PDZRN3: variants seen among roughly 807,000 people sequenced by gnomAD.
The protein encoded by PDZRN3 is PDZ domain containing ring finger 3.
PDZRN3 carries 38 observed loss-of-function variants against 85.7 expected under a neutral mutation model. That is an observed-to-expected ratio of 0.44 (90% CI 0.34 to 0.58). The LOEUF is 0.58. Among genes scored for constraint, PDZRN3 ranks in the 20% least tolerant of loss-of-function variants. The probability of loss-of-function intolerance (pLI) is 0.01; values close to 1 mark genes in which losing one functional copy is unlikely to be tolerated. For synonymous variants in PDZRN3, 759 were observed against 638.0 expected (o/e 1.19, Z -2.86); for missense variants, 1,629 against 1,506.4 (o/e 1.08, Z -1.35).
In PDZRN3 at chr3:73,384,909, C is replaced by T. The variant is rs1701330433; in HGVS notation, c.1657G>A (p.Gly553Arg). ...LQQKKHDEDGGTTDTATILSN... is the reference protein window; with the variant it reads ...LQQKKHDEDGRTTDTATILSN... Reference sequence around the variant, plus strand: ...AAGATGGTGGCTGTATCTGTGGTCCCACCGTCTTCGTCGTGCTTCTTCTGC... The same window carrying T: ...AAGATGGTGGCTGTATCTGTGGTCCTACCGTCTTCGTCGTGCTTCTTCTGC... Residue 553 changes from glycine (G) to arginine (R), a missense_variant, in exon 10 of 10, where the codon GGG (glycine) becomes AGG (arginine). By Grantham distance (125) the Gly-to-Arg change is moderately radical. Coordinates refer to ENST00000263666, the MANE Select transcript of PDZRN3 (RefSeq NM_015009.3). 2 of 1,605,868 alleles carry T rather than the reference C, an allele frequency of 1.2e-6. No homozygotes were observed. The highest frequency in any genetic ancestry group is 1.3e-5 in the African/African-American group (1 of 74,602).
intron 2 of PDZRN3, among the ~76,000 whole-genome samples, chr3:73,606,168 G>T (rs1294778085): frequency 6.6e-6 from 1 of 152,216 alleles, no homozygotes; most frequent in Non-Finnish European, 1.5e-5. Flanking sequence ...GGTCTTCTTG[G>T]TTTGGGTTCT....
chr3:73,383,205 A>G lies in PDZRN3; in HGVS notation c.*160T>C, dbSNP rs1335038331. The G allele has an allele frequency of 1.6e-6, 1 of 609,948 alleles. No homozygotes were observed. The highest frequency in any genetic ancestry group is 2.8e-6 in the Non-Finnish European group (1 of 354,968). The allele number at this position is 609,948 out of a possible 1,614,324, so 37.8% of individuals were successfully genotyped here. A position where few individuals can be genotyped will look rare whatever the true frequency, so the allele number is the denominator to read the frequency against. ...GTGTTTTTCTCTCTCTTCCCTTAAA[A>G]TAGACCTATGACACCCAGAGTTGTA... On this transcript the variant is annotated 3_prime_UTR_variant, in exon 10 of 10. Coordinates refer to ENST00000263666, the MANE Select transcript of PDZRN3 (RefSeq NM_015009.3).
chr3:73,408,820 T>C (rs758756966), intron 3 of PDZRN3, among the ~76,000 whole-genome samples: 3 of 152,162 alleles, frequency 2.0e-5, no homozygotes, highest in Non-Finnish European at 4.4e-5. Context: ...CTTAGCGAGA[T>C]GATGACTCCG....
chr3:73,494,225 C>A (rs540108940), intron 3 of PDZRN3, among the ~76,000 whole-genome samples: 1 of 152,294 alleles, frequency 6.6e-6, no homozygotes, highest in East Asian at 1.9e-4. Flanking sequence ...CATACTGAGC[C>A]TTTCTTACTA....
intron 3 of PDZRN3, among the ~76,000 whole-genome samples, chr3:73,565,662 G>A (rs1378292844): frequency 1.3e-5 from 2 of 152,080 alleles, no homozygotes; most frequent in African/African-American, 4.8e-5. Context: ...CAGGGGCCGG[G>A]CGCGGTGACT....
At chr3:73,590,590 T>C (rs1702343930) in intron 3 of PDZRN3, among the ~76,000 whole-genome samples, 1 of 152,212 alleles carries the variant, frequency 6.6e-6, no homozygotes, top group Non-Finnish European at 1.5e-5. Flanking sequence ...TTCTTTTTTC[T>C]AGTTTTCAAA....
chr3:73,426,597 C>A (rs931315053), intron 3 of PDZRN3, among the ~76,000 whole-genome samples: 3 of 152,186 alleles, frequency 2.0e-5, no homozygotes, highest in African/African-American at 7.2e-5. Context: ...TTCTTTGCTG[C>A]CTACTCATCC....
chr3:73,453,995 T>C (rs530313119), intron 3 of PDZRN3, among the ~76,000 whole-genome samples: 14 of 152,294 alleles, frequency 9.2e-5, no homozygotes, highest in African/African-American at 3.4e-4. Context: ...CTGTTTAAAG[T>C]ATAAATTCCA....
chr3:73,558,700 A>G (rs971402878), intron 3 of PDZRN3, among the ~76,000 whole-genome samples: 2 of 152,374 alleles, frequency 1.3e-5, no homozygotes, highest in Non-Finnish European at 2.9e-5. Context: ...AGACAAACAC[A>G]GCAGGCTCCC....
At chr3:73,411,109 T>C (rs1271312602) in intron 3 of PDZRN3, among the ~76,000 whole-genome samples, 1 of 152,246 alleles carries the variant, frequency 6.6e-6, no homozygotes, top group Non-Finnish European at 1.5e-5. Context: ...CTCTTAAGCT[T>C]ATTCTAGACC....
chr3:73,505,521 T>C (rs1704054605), intron 3 of PDZRN3, among the ~76,000 whole-genome samples: 1 of 152,214 alleles, frequency 6.6e-6, no homozygotes, highest in Non-Finnish European at 1.5e-5. Context: ...AACAAACCAG[T>C]AGACCTATCA....
chr3:73,433,539 C>T (rs144162314), intron 3 of PDZRN3: 1 of 732,702 alleles, frequency 1.4e-6, no homozygotes, highest in Non-Finnish European at 2.2e-6. Flanking sequence ...ACAAAATATG[C>T]ACAAAAACAC....
At chr3:73,552,105 G>A (rs910447160) in intron 3 of PDZRN3, among the ~76,000 whole-genome samples, 2 of 152,208 alleles carry the variant, frequency 1.3e-5, no homozygotes, top group Middle Eastern at 3.4e-3. Context: ...ATCACCTGGG[G>A]CACATTCCTT....
Position 73,389,846 on chromosome 3 carries a change from C to A in PDZRN3, c.1386G>T (p.Gly462=). 4 of 1,613,756 alleles carry A rather than the reference C, an allele frequency of 2.5e-6. No homozygotes were observed. Among genetic ancestry groups the A allele is most frequent in the Non-Finnish European group, 3.4e-6 (4 of 1,179,676 alleles). ...TAATGCGGTCTCCTTCTCGGATGCG[C>A]CCATCCTTGGCTGCAATGCTGTTAG... is the stretch of plus-strand genomic sequence containing the variant. ...IDPNSIAAKD[G]RIREGDRIIQ... is the part of the protein sequence containing the mutation. Residue 462 remains glycine (G), a synonymous_variant, in exon 7 of 10, where the codon GGG becomes GGT. Transcript: ENST00000263666.
At chr3:73,384,952 G>C in intron 9 of PDZRN3, 22 bp from the exon 10 acceptor site, 1 of 1,569,066 alleles carries the variant, frequency 6.4e-7, no homozygotes, top group Non-Finnish European at 8.6e-7. Context: ...CAAGAACAAA[G>C]GGTCACAGTG....
chr3:73,498,881 C>A (rs1265848223), intron 3 of PDZRN3, among the ~76,000 whole-genome samples: 1 of 152,102 alleles, frequency 6.6e-6, no homozygotes, highest in Non-Finnish European at 1.5e-5. Context: ...TCGTGCCTGG[C>A]CCGTATGTTA....
chr3:73,500,953 G>A (rs559994673), intron 3 of PDZRN3, among the ~76,000 whole-genome samples: 22 of 151,844 alleles, frequency 1.4e-4, no homozygotes, highest in Non-Finnish European at 2.8e-4. Flanking sequence ...TGCCTCCTAC[G>A]TGCAAGTCTG....
intron 8 of PDZRN3, among the ~76,000 whole-genome samples, chr3:73,386,591 G>A (rs536315712): frequency 2.0e-5 from 3 of 152,172 alleles, no homozygotes; most frequent in African/African-American, 7.2e-5. Flanking sequence ...ATCCAGCCTG[G>A]TATTTTTATA....
rs554292850 is a variant in PDZRN3, at chr3:73,413,170, AG to A, written c.919-8776del. Among the ~76,000 whole-genome samples, 499 of 152,276 alleles carry A rather than the reference AG, an allele frequency of 3.3e-3. 4 individuals are homozygous for A. The highest frequency in any genetic ancestry group is 0.011 in the African/African-American group (473 of 41,560). On this transcript the variant is annotated intron_variant, in intron 3 of 9. Transcript: ENST00000263666. Reference sequence around the variant, plus strand: ...CTCTTCCTGTGCCTCATCTATAAACAGGGTTGTGAAGATTCCTTGTAAAGAG... The same window carrying A: ...CTCTTCCTGTGCCTCATCTATAAACAGGTTGTGAAGATTCCTTGTAAAGAG...
Sources: gnomAD v4.1 joint callset for allele counts (sites outside exome capture counted in the v4.1 genomes callset) on GRCh38, gnomAD v4.1.1 for gene constraint, MANE v1.5 for transcripts, NCBI Gene and HGNC (gene_info 2026-07-23, HGNC 2026-07-21) for gene names.